The following TFAP2B variants were observed in gnomAD, a reference collection of about 807,000 sequenced individuals.
TFAP2B encodes transcription factor AP-2-beta.
In TFAP2B, 9 loss-of-function variants were observed where a neutral mutation model predicts 44.3. The ratio of observed to expected loss-of-function variants is 0.20; its 90% CI spans 0.12 to 0.35. TFAP2B has a LOEUF of 0.35. Ranked by LOEUF, TFAP2B falls within the 10% of genes least tolerant of loss-of-function variation. The pLI, the probability that TFAP2B is intolerant of heterozygous loss-of-function variation, is 1.00. For synonymous variants in TFAP2B, 270 were observed against 263.8 expected, an observed-to-expected ratio of 1.02 and a Z score of -0.23; for missense variants, 509 against 600.0, an observed-to-expected ratio of 0.85 and a Z score of 1.59.
At chr6:50,834,293 C>T (rs1006991825) in intron 3 of TFAP2B, among the ~76,000 whole-genome samples, 3 of 152,200 alleles carry the variant, frequency 2.0e-5, no homozygotes, top group Non-Finnish European at 2.9e-5. Context: ...AAAGAAGGAA[C>T]ACCTCTCTAT....
intron 3 of TFAP2B, 21 bp from the exon 4 acceptor site, chr6:50,836,040 C>A (rs1298012945): frequency 1.9e-6 from 3 of 1,603,820 alleles, no homozygotes; most frequent in South Asian, 1.1e-5. Context: ...ACCTTTATGG[C>A]AATTTTTTCT....
At position 50,823,873 on chromosome 6, in the gene TFAP2B, C is replaced by A; in HGVS notation, c.540+8C>A. 1.7e-6 allele frequency: 1 copy of A among 600,584 alleles called. No individual in the cohort carries two copies. The highest frequency in any genetic ancestry group is 2.1e-6 in the Non-Finnish European group (1 of 472,014). The allele number at this position is 600,584 out of a possible 1,614,324, so 37.2% of individuals were successfully genotyped here. A position where few individuals can be genotyped will look rare whatever the true frequency, so the allele number is the denominator to read the frequency against. On this transcript the variant is annotated splice_region_variant and intron_variant, in intron 2 of 6. Transcript: ENST00000393655. ...GGAATGGAAGACGTCCAGGTAACCACAAACAAACAAACAAACAAACAAAAA... is the reference window on the plus strand; with the variant it reads ...GGAATGGAAGACGTCCAGGTAACCAAAAACAAACAAACAAACAAACAAAAA...
chr6:50,827,352 C>T (rs1426461358), intron 2 of TFAP2B, among the ~76,000 whole-genome samples: 1 of 152,192 alleles, frequency 6.6e-6, no homozygotes, highest in Non-Finnish European at 1.5e-5. Context: ...TGGCATGTTG[C>T]AGCAAGGATA....
chr6:50,825,641 C>T (rs780539811), intron 2 of TFAP2B, among the ~76,000 whole-genome samples: 73 of 152,250 alleles, frequency 4.8e-4, no homozygotes, highest in Admixed American at 9.2e-4. Flanking sequence ...GTCAAAGCGT[C>T]GGAAAGGATT....
rs1433835951 is a variant in TFAP2B at position 50,843,316 on chromosome 6, C to G, written c.1307C>G (p.Thr436Ser). The change falls in exon 7 of 7, where the codon ACC becomes AGC. Residue 436 changes from threonine to serine, a missense_variant. Thr to Ser is a moderately conservative substitution (Grantham distance 58). This residue lies in a region of TFAP2B where 168 missense variants were observed against 183.2 expected (regional missense o/e 0.92). Transcript: ENST00000393655. ...ATGGACAAGATGTTCTTGAACAACACCACCACTAACAGGCACACGTCTGGG... is the reference window on the plus strand; with the variant it reads ...ATGGACAAGATGTTCTTGAACAACAGCACCACTAACAGGCACACGTCTGGG... ...KGMDKMFLNN[T>S]TTNRHTSGEG... 6.2e-7 allele frequency: 1 copy of G among 1,614,118 alleles called. No homozygotes were observed. The highest frequency in any genetic ancestry group is 1.1e-5 in the South Asian group (1 of 91,082).
chr6:50,831,905 T>A (rs1762504980), intron 3 of TFAP2B, among the ~76,000 whole-genome samples: 1 of 152,204 alleles, frequency 6.6e-6, no homozygotes, highest in South Asian at 2.1e-4. Flanking sequence ...GTCTTAGGGA[T>A]ATCCTGTTTG....
At chr6:50,834,163 T>TA (rs1407316735) in intron 3 of TFAP2B, among the ~76,000 whole-genome samples, 2 of 152,250 alleles carry the variant, frequency 1.3e-5, no homozygotes, top group Non-Finnish European at 2.9e-5. Context: ...ATCACCTGTC[T>TA]ATTAAGTGAC....
At chr6:50,823,289 T>C in intron 1 of TFAP2B, 118 bp from the exon 2 acceptor site, 1 of 917,200 alleles carries the variant, frequency 1.1e-6, no homozygotes, top group Non-Finnish European at 1.7e-6. Context: ...GCCGGGCTTC[T>C]CCATTTGTCA....
intron 2 of TFAP2B, 91 bp from the exon 3 acceptor site, chr6:50,828,528 T>C (rs372120583): frequency 1.4e-4 from 151 of 1,107,980 alleles, no homozygotes; most frequent in East Asian, 9.3e-4. Flanking sequence ...TAAATGGAAA[T>C]AACAGAAACT....
In TFAP2B at chr6:50,844,151, A is replaced by G. The variant is rs1009438593; in HGVS notation, c.*759A>G. On this transcript the variant is annotated 3_prime_UTR_variant, in exon 7 of 7. Transcript: ENST00000393655. ...CAGAGCAGGTTCTGGCGGCTGAGGA[A>G]AATCCGGACCAATAAGTTGATTCAA... is the stretch of plus-strand genomic sequence containing the variant. 1 of 152,186 alleles carries G rather than the reference A, an allele frequency of 6.6e-6. No individual in the cohort carries two copies. The highest frequency in any genetic ancestry group is 2.4e-5 in the African/African-American group (1 of 41,438). The allele number at this position is 152,186 out of a possible 1,614,324, so 9.4% of individuals were successfully genotyped here.
intron 3 of TFAP2B, among the ~76,000 whole-genome samples, chr6:50,832,655 C>T (rs1036188973): frequency 6.6e-6 from 1 of 152,106 alleles, no homozygotes. Context: ...GAGTGCCTTT[C>T]GAAGGTACTT....
chr6:50,843,645 C>A lies in TFAP2B; in HGVS notation c.*253C>A. 1 of 462,796 alleles carries A rather than the reference C, an allele frequency of 2.2e-6. No individual in the cohort carries two copies. The highest frequency in any genetic ancestry group is 3.9e-5 in the East Asian group (1 of 25,592). The allele number at this position is 462,796 out of a possible 1,614,324, so 28.7% of individuals were successfully genotyped here. On this transcript the variant is annotated 3_prime_UTR_variant, in exon 7 of 7. Coordinates refer to ENST00000393655, the MANE Select transcript of TFAP2B (RefSeq NM_003221.4). The stretch of plus-strand genomic sequence containing the variant: ...AGACAACCGTCCGGATTTTCCACTT[C>A]GGTTCTTTCGAGTTTAGTAATACTG...
intron 2 of TFAP2B, 114 bp downstream of exon 2, chr6:50,823,979 A>G (rs1770435258): frequency 1.7e-6 from 2 of 1,188,180 alleles, no homozygotes; most frequent in Non-Finnish European, 2.4e-6. Context: ...GTTTGTTCCC[A>G]TGTTTAGAAC....
intron 1 of TFAP2B, among the ~76,000 whole-genome samples, chr6:50,819,519 C>A (rs1369920278): frequency 2.6e-5 from 4 of 152,108 alleles, no homozygotes; most frequent in Non-Finnish European, 5.9e-5. Flanking sequence ...AAATAGAAGT[C>A]GTAGCAGTTT....
chr6:50,840,268 C>T lies in TFAP2B; in HGVS notation c.1053C>T (p.His351=), dbSNP rs1468152340. 6.2e-7 allele frequency: 1 copy of T among 1,614,074 alleles called. No homozygotes were observed. The highest frequency in any genetic ancestry group is 2.2e-5 in the East Asian group (1 of 44,884). ...AGCACACAGACCCGAGTGACCTGCACTCCCGAAAGAATATGCTGTTGGCCA... is the reference window on the plus strand; with the variant it reads ...AGCACACAGACCCGAGTGACCTGCATTCCCGAAAGAATATGCTGTTGGCCA... ...NRQHTDPSDL[H]SRKNMLLATK... The change falls in exon 6 of 7, where the codon CAC becomes CAT. Residue 351 remains histidine, a synonymous_variant. Coordinates refer to ENST00000393655, the MANE Select transcript of TFAP2B (RefSeq NM_003221.4).
intron 1 of TFAP2B, among the ~76,000 whole-genome samples, chr6:50,821,609 C>T (rs1770348514): frequency 6.6e-6 from 1 of 152,168 alleles, no homozygotes; most frequent in Admixed American, 6.5e-5. Context: ...TCCTGCTAAA[C>T]TTTTTCCCCA....
Position 50,836,128 on chromosome 6 carries a change from T to C in TFAP2B, c.669T>C (p.Ser223=). 6.2e-7 allele frequency: 1 copy of C among 1,614,164 alleles called. No individual in the cohort carries two copies. The highest frequency in any genetic ancestry group is 8.5e-7 in the Non-Finnish European group (1 of 1,180,024). The change falls in exon 4 of 7, where the codon TCT becomes TCC. Residue 223 remains serine, a synonymous_variant. Transcript: ENST00000393655. The stretch of plus-strand genomic sequence containing the variant: ...AAGACGGCTTCCTGGGAGGCATGTC[T>C]GTCAACACCGGCGAGGTGTTTTGCT... The part of the protein sequence containing the change: ...MNKDGFLGGM[S]VNTGEVFCSV...
intron 1 of TFAP2B, among the ~76,000 whole-genome samples, chr6:50,820,395 C>T (rs962272052): frequency 9.9e-5 from 15 of 152,224 alleles, no homozygotes; most frequent in South Asian, 4.1e-4. Flanking sequence ...CCTCCTGCCC[C>T]CCCCCGAATC....
intron 3 of TFAP2B, among the ~76,000 whole-genome samples, chr6:50,829,867 T>C (rs185723154): frequency 1.2e-3 from 176 of 152,354 alleles, no homozygotes; most frequent in Non-Finnish European, 1.8e-3. Context: ...CTTGCAATGA[T>C]GCCATTTGGC....
Sources: allele counts gnomAD v4.1 joint callset (sites outside exome capture counted in the v4.1 genomes callset), GRCh38; gene constraint gnomAD v4.1.1; regional missense constraint gnomAD v4.1.1; transcripts MANE v1.5; gene names NCBI Gene and HGNC (gene_info 2026-07-23, HGNC 2026-07-21).